FABP12: variants seen among roughly 807,000 people sequenced by gnomAD.
FABP12 encodes fatty acid binding protein 12.
Under a neutral mutation model 13.7 loss-of-function variants are expected in FABP12, and 19 were observed. The ratio of observed to expected loss-of-function variants is 1.39; its 90% CI spans 0.97 to 2.04. FABP12 has a LOEUF of 2.04. Ranked by LOEUF, FABP12 falls within the 30% of genes most tolerant of loss-of-function variation. FABP12 has a pLI of 0.00. For missense variants in FABP12, 182 were observed against 164.2 expected, an observed-to-expected ratio of 1.11 and a Z score of -0.59; for synonymous variants, 61 against 57.0, an observed-to-expected ratio of 1.07 and a Z score of -0.32.
At chr8:81,535,351 G>T (rs1270355737), upstream of FABP12, among the ~76,000 whole-genome samples, 1 of 152,234 alleles carries the variant, frequency 6.6e-6, no homozygotes, top group African/African-American at 2.4e-5. Flanking sequence ...GAGGATAGCA[G>T]TGAAGAAGGT....
chr8:81,562,364 A>T (rs1484474189), intron 1 of FABP12, among the ~76,000 whole-genome samples: 1 of 152,088 alleles, frequency 6.6e-6, no homozygotes, highest in Non-Finnish European at 1.5e-5. Context: ...GGCTGTGGGG[A>T]GGGACCCCTT....
chr8:81,581,876 A>G (rs946075281), intron 1 of FABP12, among the ~76,000 whole-genome samples: 4 of 152,226 alleles, frequency 2.6e-5, no homozygotes, highest in African/African-American at 7.2e-5. Flanking sequence ...ATGAAAACAC[A>G]CAAAAACATG....
intron 4 of FABP12, among the ~76,000 whole-genome samples, 193 bp downstream of exon 4, chr8:81,526,827 G>GT (rs1387028347): frequency 6.6e-6 from 1 of 151,608 alleles, no homozygotes; most frequent in African/African-American, 2.4e-5. Context: ...ATTCTCTTTA[G>GT]TTTTTTAGTT....
At chr8:81,525,237 C>T (rs528906538) in intron 4 of FABP12, 117 bp from the exon 5 acceptor site, 21 of 684,722 alleles carry the variant, frequency 3.1e-5, no homozygotes, top group Admixed American at 1.4e-4. Context: ...AAAGAGAGGC[C>T]GGGCGCGGTG....
At chr8:81,584,482 C>T (rs1471670967) in intron 1 of FABP12, among the ~76,000 whole-genome samples, 1 of 152,158 alleles carries the variant, frequency 6.6e-6, no homozygotes, top group African/African-American at 2.4e-5. Context: ...CAGGCAAATC[C>T]CACAGTCCTC....
chr8:81,578,823 G>GTTTCTTTTTTTTTTTTTTT lies in FABP12; in HGVS notation c.-185+11229_-185+11230insAAAAAAAAAAAAAAAGAAA, dbSNP rs71268012. On this transcript the variant is annotated intron_variant, in intron 1 of 5. Transcript: ENST00000692030. Reference sequence around the variant, plus strand: ...TACAGAATCTGACACATTTGTTCAAGTTTTTTTTTTTTTTTTTTTGAGAAG... The same window carrying GTTTCTTTTTTTTTTTTTTT: ...TACAGAATCTGACACATTTGTTCAAGTTTCTTTTTTTTTTTTTTTTTTTTTTTTTTTTTTTTTTGAGAAG... Among the ~76,000 whole-genome samples, 6 of 105,668 alleles carry GTTTCTTTTTTTTTTTTTTT rather than the reference G, an allele frequency of 5.7e-5. 2 individuals are homozygous for GTTTCTTTTTTTTTTTTTTT. The highest frequency in any genetic ancestry group is 8.1e-5 in the African/African-American group (2 of 24,576). 69.3% of individuals were successfully genotyped at this position (105,668 alleles called of 152,430 possible). A position where few individuals can be genotyped will look rare whatever the true frequency, so the allele number is the denominator to read the frequency against.
intron 1 of FABP12, among the ~76,000 whole-genome samples, chr8:81,577,521 G>A (rs1252286853): frequency 6.6e-6 from 1 of 151,804 alleles, no homozygotes; most frequent in Non-Finnish European, 1.5e-5. Context: ...CACTTTGGGA[G>A]GCTGAGGTGG....
rs147329598 is a variant in FABP12, at chr8:81,547,284, A to T, written c.-184-7541T>A. 1.6e-3 allele frequency among the ~76,000 whole-genome samples: 247 copies of T among 152,348 alleles called. 2 individuals carry two copies. Among genetic ancestry groups the T allele is most frequent in the Admixed American group, 2.7e-3 (42 of 15,304 alleles). On this transcript the variant is annotated intron_variant, in intron 1 of 5. Transcript: ENST00000692030. The stretch of plus-strand genomic sequence containing the variant: ...TGGAGTTCACACATACACACCACAG[A>T]CAAATGAATGGACAATTCAAAAGTG...
chr8:81,530,640 A>G (rs1371866362), intron 2 of FABP12, among the ~76,000 whole-genome samples: 2 of 152,228 alleles, frequency 1.3e-5, no homozygotes, highest in Non-Finnish European at 2.9e-5. Context: ...TTCACGTCTT[A>G]ATCCCTGGAA....
At chr8:81,555,467 T>A (rs1393330947) in intron 1 of FABP12, among the ~76,000 whole-genome samples, 4 of 152,170 alleles carry the variant, frequency 2.6e-5, no homozygotes, top group African/African-American at 9.7e-5. Flanking sequence ...TTTTAAAAAA[T>A]TTACAATAAG....
chr8:81,576,416 C>A (rs1429470275), intron 1 of FABP12, among the ~76,000 whole-genome samples: 1 of 152,044 alleles, frequency 6.6e-6, no homozygotes, highest in African/African-American at 2.4e-5. Flanking sequence ...AGTTCTCTAT[C>A]AAGTATTTTT....
chr8:81,525,898 C>T (rs550836902), intron 4 of FABP12: 1 of 152,292 alleles, frequency 6.6e-6, no homozygotes, highest in Non-Finnish European at 1.5e-5. Flanking sequence ...TTGGCAAAGA[C>T]ACTTTCTACA....
intron 1 of FABP12, among the ~76,000 whole-genome samples, chr8:81,562,074 T>C (rs1442927407): frequency 6.6e-6 from 1 of 152,020 alleles, no homozygotes; most frequent in Non-Finnish European, 1.5e-5. Flanking sequence ...AAAGAAAACT[T>C]TATCTTGCAA....
chr8:81,525,096 A>G (rs1205520252), exon 5 of FABP12: 4 of 1,592,480 alleles, frequency 2.5e-6, no homozygotes, highest in Non-Finnish European at 8.6e-7. Context: ...GTTCGTGTAC[A>G]GATAACACTG....
In FABP12 at chr8:81,531,943, G is replaced by GCACACA. The variant is rs10554665; in HGVS notation, c.-75-559_-75-554dup. Among the ~76,000 whole-genome samples, 80 of 147,860 alleles carry GCACACA rather than the reference G, an allele frequency of 5.4e-4. 1 individual carries two copies. The highest frequency in any genetic ancestry group is 1.9e-3 in the African/African-American group (78 of 40,776). On this transcript the variant is annotated intron_variant, in intron 1 of 4. Transcript: ENST00000360464. ...GAAAGAGATCATGTTACAAACACAT[G>GCACACA]CACACACACACACACACACACACAC...
Sources: gnomAD v4.1 joint callset for allele counts (sites outside exome capture counted in the v4.1 genomes callset) on GRCh38, gnomAD v4.1.1 for gene constraint, MANE v1.5 for transcripts, NCBI Gene and HGNC (gene_info 2026-07-23, HGNC 2026-07-21) for gene names.